The following CCDC28A variants were observed in gnomAD, a reference collection of about 807,000 sequenced individuals.
CCDC28A encodes the protein coiled-coil domain-containing protein 28A.
CCDC28A carries 24 observed loss-of-function variants against 22.1 expected under a neutral mutation model. The observed-to-expected ratio is 1.09, with a 90% confidence interval of 0.79 to 1.53. The LOEUF is 1.53. Ranked by LOEUF, CCDC28A falls within the 40% of genes most tolerant of loss-of-function variation. The pLI is 0.00. For missense variants in CCDC28A, 170 were observed against 210.7 expected, an observed-to-expected ratio of 0.81 and a Z score of 1.20; for synonymous variants, 83 against 74.7, an observed-to-expected ratio of 1.11 and a Z score of -0.57.
chr6:138,775,166 C>T (rs558099291), intron 1 of CCDC28A, among the ~76,000 whole-genome samples: 8 of 152,340 alleles, frequency 5.3e-5, no homozygotes, highest in African/African-American at 1.9e-4. Context: ...GTCTCGATCT[C>T]CTGACCTCGT....
chr6:138,774,976 C>T (rs1348915017), intron 1 of CCDC28A, among the ~76,000 whole-genome samples: 3 of 145,372 alleles, frequency 2.1e-5, no homozygotes, highest in Non-Finnish European at 3.1e-5. Context: ...GTTTTTGAGA[C>T]GGAGTCTCGC....
intron 3 of CCDC28A, among the ~76,000 whole-genome samples, chr6:138,783,294 T>TA (rs1775047058): frequency 7.0e-6 from 1 of 142,768 alleles, no homozygotes; most frequent in Non-Finnish European, 1.5e-5. Flanking sequence ...TTTTTTGAGA[T>TA]AGAGTCTCTG....
At chr6:138,776,692 A>T (rs1163739854) in intron 2 of CCDC28A, among the ~76,000 whole-genome samples, 3 of 151,798 alleles carry the variant, frequency 2.0e-5, no homozygotes, top group African/African-American at 7.2e-5. Context: ...ACATATATAT[A>T]TATATTTTTA....
intron 3 of CCDC28A, among the ~76,000 whole-genome samples, chr6:138,783,502 A>G (rs1479816395): frequency 1.4e-5 from 2 of 146,694 alleles, no homozygotes; most frequent in Non-Finnish European, 3.0e-5. Flanking sequence ...CAGTGGCGCG[A>G]TCTCTGCTCA....
Position 138,788,348 on chromosome 6 carries a change from T to C in CCDC28A, c.478-18T>C, listed in dbSNP as rs781460692. ...ATCTTATAAAAATTAAAAATAAATT[T>C]GTTTCTTTGTTTTACAGTTAGAAGA... On this transcript the variant is annotated intron_variant, in intron 4 of 5. Transcript: ENST00000617445. 4.9e-5 allele frequency: 48 copies of C among 979,900 alleles called. No homozygotes were observed. The highest frequency in any genetic ancestry group is 7.0e-5 in the Non-Finnish European group (47 of 673,492). The allele number at this position is 979,900 out of a possible 1,614,324, so 60.7% of individuals were successfully genotyped here.
chr6:138,786,775 C>G lies in CCDC28A; in HGVS notation c.477+1394C>G, dbSNP rs1261650525. Among the ~76,000 whole-genome samples the G allele has an allele frequency of 2.6e-5, 4 of 152,132 alleles. No individual in the cohort carries two copies. In the East Asian group the frequency reaches 5.8e-4, roughly 22 times the overall value. ...GGACTATGGGCACATGCCACCACGC[C>G]CAGCTAATTTTTTTATTTTTAGTAG... On this transcript the variant is annotated intron_variant, in intron 4 of 5. Coordinates refer to ENST00000617445, the MANE Select transcript of CCDC28A (RefSeq NM_015439.3).
chr6:138,776,175 A>T lies in CCDC28A; in HGVS notation c.55A>T (p.Thr19Ser). The stretch of plus-strand genomic sequence containing the variant: ...TCCTAAGTCTTTTAGTGCCCACTGT[A>T]CTCAGGTTGTCAATGCCAAAAAAAA... ...RSPKSFSAHC[T>S]QVVNAKKNAI... The change falls in exon 2 of 6, where the codon ACT (threonine) becomes TCT (serine). Residue 19 changes from threonine to serine, a missense_variant. Transcript: ENST00000617445. 6.2e-7 allele frequency: 1 copy of T among 1,613,958 alleles called. No individual in the cohort carries two copies. Among genetic ancestry groups the T allele is most frequent in the Non-Finnish European group, 8.5e-7 (1 of 1,179,862 alleles).
intron 4 of CCDC28A, among the ~76,000 whole-genome samples, chr6:138,786,641 G>A (rs1365472378): frequency 6.6e-6 from 1 of 152,060 alleles, no homozygotes; most frequent in Admixed American, 6.5e-5. Flanking sequence ...TTGAGACAGG[G>A]ACTCACTTTG....
chr6:138,776,745 C>T (rs1774939968), intron 2 of CCDC28A, among the ~76,000 whole-genome samples: 1 of 151,960 alleles, frequency 6.6e-6, no homozygotes, highest in African/African-American at 2.4e-5. Context: ...CCTTGAACCT[C>T]TGGGCTCAAG....
chr6:138,777,993 T>G (rs1774960714), intron 2 of CCDC28A, among the ~76,000 whole-genome samples: 1 of 152,182 alleles, frequency 6.6e-6, no homozygotes, highest in South Asian at 2.1e-4. Flanking sequence ...GTGAGATTGA[T>G]TCTATGGGTC....
rs6570282 is a variant in CCDC28A at position 138,792,976 on chromosome 6, A to G, written c.*173A>G. 1 allele frequency: 583,893 copies of G among 586,784 alleles called. 290,512 individuals carry two copies. The highest frequency in any genetic ancestry group is 1 in the East Asian group (34,187 of 34,188). 36.3% of individuals were successfully genotyped at this position (586,784 alleles called of 1,614,324 possible). A position where few individuals can be genotyped will look rare whatever the true frequency, so the allele number is the denominator to read the frequency against. On this transcript the variant is annotated 3_prime_UTR_variant, in exon 6 of 6. Coordinates refer to ENST00000617445, the MANE Select transcript of CCDC28A (RefSeq NM_015439.3). The stretch of plus-strand genomic sequence containing the variant: ...TAGTAAATGTGACTCGCTGTAATTC[A>G]CCATAACTGGAGGCCTAGGCCTTGT...
chr6:138,777,470 A>G (rs539300895), intron 2 of CCDC28A, among the ~76,000 whole-genome samples: 184 of 152,350 alleles, frequency 1.2e-3, no homozygotes, highest in Non-Finnish European at 2.2e-3. Context: ...GAGATTTTAA[A>G]AGTAATCACT....
chr6:138,787,759 G>T (rs1775113880), intron 4 of CCDC28A, among the ~76,000 whole-genome samples: 1 of 151,776 alleles, frequency 6.6e-6, no homozygotes, highest in Non-Finnish European at 1.5e-5. Context: ...TAAACTCCTG[G>T]GCTCAAGCAG....
In CCDC28A at chr6:138,774,810, T is replaced by C. The variant is rs190983110; in HGVS notation, c.-43+908T>C. Among the ~76,000 whole-genome samples, 154 of 152,380 alleles carry C rather than the reference T, an allele frequency of 1.0e-3. No homozygotes were observed. The Middle Eastern group carries it at 0.01, about 10-fold the overall frequency. On this transcript the variant is annotated intron_variant, in intron 1 of 5. Coordinates refer to ENST00000617445, the MANE Select transcript of CCDC28A (RefSeq NM_015439.3). ...ACACAGCATGCCAAAAACGGCCTAA[T>C]GTTTCTAGAAGGCAATTTACAACCT...
At chr6:138,774,688 AG>A (rs1161988666) in intron 1 of CCDC28A, among the ~76,000 whole-genome samples, 23 of 152,348 alleles carry the variant, frequency 1.5e-4, no homozygotes, top group Admixed American at 4.6e-4. Context: ...TCCAGGCAAA[AG>A]GAAAAAGAAA....
At position 138,781,969 on chromosome 6, in the gene CCDC28A, G is replaced by A. The variant is rs75963170; in HGVS notation, c.322+1984G>A. The stretch of plus-strand genomic sequence containing the variant: ...AATATTTGAAAAGAAGATATTAAAA[G>A]CAGATTATTTATTTCACAAAAATAC... On this transcript the variant is annotated intron_variant, in intron 3 of 5. Coordinates refer to ENST00000617445, the MANE Select transcript of CCDC28A (RefSeq NM_015439.3). 1.8e-4 allele frequency among the ~76,000 whole-genome samples: 27 copies of A among 152,294 alleles called. No individual in the cohort carries two copies. In the East Asian group the frequency reaches 4.2e-3, roughly 24 times the overall value.
chr6:138,780,067 C>A, intron 3 of CCDC28A, 82 bp downstream of exon 3: 2 of 1,013,016 alleles, frequency 2.0e-6, no homozygotes, highest in Non-Finnish European at 2.7e-6. Flanking sequence ...CTCTTCTTTT[C>A]AAAGTGCCAG....
intron 1 of CCDC28A, among the ~76,000 whole-genome samples, chr6:138,774,837 A>T (rs902516464): frequency 6.6e-6 from 1 of 152,262 alleles, no homozygotes; most frequent in Non-Finnish European, 1.5e-5. Flanking sequence ...TTACAACCTG[A>T]TGAGGTAGAG....
At chr6:138,779,148 G>A (rs1172400627) in intron 2 of CCDC28A, among the ~76,000 whole-genome samples, 1 of 152,196 alleles carries the variant, frequency 6.6e-6, no homozygotes, top group African/African-American at 2.4e-5. Context: ...GGTGGGGAGA[G>A]AAGGGAGATC....
Sources: allele counts gnomAD v4.1 joint callset (sites outside exome capture counted in the v4.1 genomes callset), GRCh38; gene constraint gnomAD v4.1.1; transcripts MANE v1.5; gene names NCBI Gene and HGNC (gene_info 2026-07-23, HGNC 2026-07-21).